The following CTSB variants were observed in gnomAD, a reference collection of about 807,000 sequenced individuals.
CTSB encodes the protein APP secretase.
CTSB carries 57 observed loss-of-function variants against 44.3 expected under a neutral mutation model. That is an observed-to-expected ratio of 1.29 (90% CI 1.04 to 1.60). The LOEUF (loss-of-function observed/expected upper bound fraction) is 1.60. Among genes scored for constraint, CTSB ranks in the 40% most tolerant of loss-of-function variants. CTSB has a pLI of 0.00. For missense variants in CTSB, 768 were observed against 443.0 expected, an observed-to-expected ratio of 1.73 and a Z score of -6.59; for synonymous variants, 320 against 168.0, an observed-to-expected ratio of 1.91 and a Z score of -7.00.
chr8:11,845,930 G>A (rs769149619), intron 8 of CTSB, 141 bp from the exon 9 acceptor site: 3 of 957,370 alleles, frequency 3.1e-6, no homozygotes, highest in Admixed American at 6.9e-5. Flanking sequence ...GAGGCTCCAG[G>A]GGGGGTCCCA....
intron 1 of CTSB, among the ~76,000 whole-genome samples, chr8:11,863,019 A>C (rs1816650069): frequency 6.6e-6 from 1 of 152,164 alleles, no homozygotes; most frequent in Non-Finnish European, 1.5e-5. Flanking sequence ...CATTTAGAAA[A>C]CATCAGTTCT....
At chr8:11,863,591 T>G (rs1414124496) in intron 1 of CTSB, among the ~76,000 whole-genome samples, 12 of 152,226 alleles carry the variant, frequency 7.9e-5, no homozygotes, top group Non-Finnish European at 1.5e-5. Context: ...CATCAGACCT[T>G]GGCGATGACC....
Position 11,843,418 on chromosome 8 carries a change from G to C in CTSB, c.*1707C>G, listed in dbSNP as rs1219059284. 1 of 152,220 alleles carries C rather than the reference G, an allele frequency of 6.6e-6. No individual in the cohort carries two copies. The highest frequency in any genetic ancestry group is 1.5e-5 in the Non-Finnish European group (1 of 68,038). 9.4% of individuals were successfully genotyped at this position (152,220 alleles called of 1,614,324 possible). A position where few individuals can be genotyped will look rare whatever the true frequency, so the allele number is the denominator to read the frequency against. ...AGCCTCATACCACTTCAGTTGGGAA[G>C]GGGAGTACTGAGGTGTACCTTGGCA... On this transcript the variant is annotated 3_prime_UTR_variant, in exon 10 of 10. Coordinates refer to ENST00000353047, the MANE Select transcript of CTSB (RefSeq NM_001908.5).
At position 11,843,415 on chromosome 8, in the gene CTSB, G is replaced by A. The variant is rs922926710; in HGVS notation, c.*1710C>T. On this transcript the variant is annotated 3_prime_UTR_variant, in exon 10 of 10. Transcript: ENST00000353047. ...GCTAGCCTCATACCACTTCAGTTGG[G>A]AAGGGGAGTACTGAGGTGTACCTTG... is the stretch of plus-strand genomic sequence containing the variant. 5.3e-5 allele frequency: 8 copies of A among 152,214 alleles called. No homozygotes were observed. Among genetic ancestry groups the A allele is most frequent in the Non-Finnish European group, 1.0e-4 (7 of 68,050 alleles). 9.4% of individuals were successfully genotyped at this position (152,214 alleles called of 1,614,324 possible).
chr8:11,865,738 G>A (rs1385336498), intron 1 of CTSB, among the ~76,000 whole-genome samples: 2 of 151,186 alleles, frequency 1.3e-5, no homozygotes, highest in Non-Finnish European at 3.0e-5. Flanking sequence ...TCCACCGCGC[G>A]GTGGCTCATG....
At position 11,852,672 on chromosome 8, in the gene CTSB, C is replaced by G. The variant is rs767037060; in HGVS notation, c.150G>C (p.Val50=). ...ATAGCCTCTTCAAGTAGCTCATGTC[C>G]ACGTTGTAGAAGTTGTGCCCGGCCT... is the stretch of plus-strand genomic sequence containing the variant. ...TWQAGHNFYN[V]DMSYLKRLCG... is the part of the protein sequence containing the mutation. Residue 50 remains valine (V), a synonymous_variant, in exon 3 of 10, where the codon GTG becomes GTC. Transcript: ENST00000353047. 3.2e-5 allele frequency: 51 copies of G among 1,613,960 alleles called. No individual in the cohort carries two copies. Among genetic ancestry groups the G allele is most frequent in the Non-Finnish European group, 4.3e-5 (51 of 1,180,040 alleles).
intron 8 of CTSB, 46 bp from the exon 9 acceptor site, chr8:11,845,835 C>T (rs754971757): frequency 1.0e-5 from 16 of 1,563,716 alleles, no homozygotes; most frequent in African/African-American, 1.3e-5. Context: ...GCCACTGTCC[C>T]ACGCCCCACA....
In CTSB at chr8:11,849,134, G is replaced by A. The variant is rs536248833; in HGVS notation, c.358C>T (p.Arg120Trp). 12 of 1,613,030 alleles carry A rather than the reference G, an allele frequency of 7.4e-6. No homozygotes were observed. The highest frequency in any genetic ancestry group is 2.7e-5 in the African/African-American group (2 of 75,034). ...AFGAVEAISDRICIHTNAHVS... is the reference protein window; with the variant it reads ...AFGAVEAISDWICIHTNAHVS... Reference sequence around the variant, plus strand: ...TGCGCATTGGTGTGGATGCAGATCCGGTCAGAGATGGCTTCCACAGCCCCG... The same window carrying A: ...TGCGCATTGGTGTGGATGCAGATCCAGTCAGAGATGGCTTCCACAGCCCCG... The change falls in exon 5 of 10, where the codon CGG (arginine) becomes TGG (tryptophan). Residue 120 changes from arginine (R) to tryptophan (W), a missense_variant. Coordinates refer to ENST00000353047, the MANE Select transcript of CTSB (RefSeq NM_001908.5).
At chr8:11,864,727 G>GGGCAGATCAT (rs902705483) in intron 1 of CTSB, among the ~76,000 whole-genome samples, 2 of 151,838 alleles carry the variant, frequency 1.3e-5, no homozygotes, top group Non-Finnish European at 2.9e-5. Context: ...GAGGCGAGGC[G>GGGCAGATCAT]GGCAGATCAT....
At chr8:11,851,661 A>G (rs146432679) in intron 3 of CTSB, among the ~76,000 whole-genome samples, 1 of 152,068 alleles carries the variant, frequency 6.6e-6, no homozygotes, top group African/African-American at 2.4e-5. Context: ...CATTTCTCAT[A>G]TCATCCCCAT....
intron 7 of CTSB, 145 bp downstream of exon 7, chr8:11,847,534 C>A: frequency 1.1e-6 from 1 of 883,198 alleles, no homozygotes; most frequent in Non-Finnish European, 1.7e-6. Flanking sequence ...CTTCTCCTGG[C>A]AAGAGGGCAT....
In CTSB at chr8:11,845,665, G is replaced by T. The variant is rs777740733; in HGVS notation, c.918C>A (p.Asp306Glu). The T allele has an allele frequency of 1.2e-6, 2 of 1,612,758 alleles. No homozygotes were observed. Among genetic ancestry groups the T allele is most frequent in the East Asian group, 4.5e-5 (2 of 44,834 alleles). Reference sequence around the variant, plus strand: ...AGGAAGGGGGCAGCCACTCACCATTGTCACCCCAGTCAGTGTTCCAGGAGT... The same window carrying T: ...AGGAAGGGGGCAGCCACTCACCATTTTCACCCCAGTCAGTGTTCCAGGAGT... ...VANSWNTDWG[D>E]NGFFKILRGQ... Residue 306 changes from aspartate to glutamate, a missense_variant, in exon 9 of 10, where the codon GAC becomes GAA. Transcript: ENST00000353047.
At position 11,849,202 on chromosome 8, in the gene CTSB, C is replaced by T; in HGVS notation, c.328-38G>A. The T allele has an allele frequency of 2.6e-6, 4 of 1,562,606 alleles. No homozygotes were observed. In the South Asian group the frequency reaches 3.4e-5, roughly 13 times the overall value. On this transcript the variant is annotated intron_variant, in intron 4 of 9. Coordinates refer to ENST00000353047, the MANE Select transcript of CTSB (RefSeq NM_001908.5). Reference sequence around the variant, plus strand: ...GCCCCACCGGGTGAGGCTGCCATGTCCGGGCTGGGCCCTCTGCAGCAGTCC... The same window carrying T: ...GCCCCACCGGGTGAGGCTGCCATGTTCGGGCTGGGCCCTCTGCAGCAGTCC...
rs1812763450 is a variant in CTSB, at chr8:11,844,058, C to T, written c.*1067G>A. The T allele has an allele frequency of 1.3e-5, 2 of 152,078 alleles. No homozygotes were observed. The highest frequency in any genetic ancestry group is 2.1e-4 in the South Asian group (1 of 4,820). The allele number at this position is 152,078 out of a possible 1,614,324, so 9.4% of individuals were successfully genotyped here. ...TCACAACAACAACAAAAAAATAGAG[C>T]ACAGCTATGTTTTGAGTTCTTAAGC... On this transcript the variant is annotated 3_prime_UTR_variant, in exon 10 of 10. Transcript: ENST00000353047.
chr8:11,865,060 T>TG (rs1466271702), intron 1 of CTSB, among the ~76,000 whole-genome samples: 1 of 152,200 alleles, frequency 6.6e-6, no homozygotes, highest in African/African-American at 2.4e-5. Context: ...TCAGGCAGCC[T>TG]GGGACCAGAC....
In CTSB at chr8:11,844,937, C is replaced by G. The variant is rs770368082; in HGVS notation, c.*188G>C. On this transcript the variant is annotated 3_prime_UTR_variant, in exon 10 of 10. Coordinates refer to ENST00000353047, the MANE Select transcript of CTSB (RefSeq NM_001908.5). ...TGCTGGCAGCGGTGGCTCACATGGCCTGTCTGCACTGTAACCACAGGCTGG... is the reference window on the plus strand; with the variant it reads ...TGCTGGCAGCGGTGGCTCACATGGCGTGTCTGCACTGTAACCACAGGCTGG... 3.4e-6 allele frequency: 2 copies of G among 591,374 alleles called. No individual in the cohort carries two copies. The highest frequency in any genetic ancestry group is 3.7e-5 in the African/African-American group (2 of 53,918). The allele number at this position is 591,374 out of a possible 1,614,324, so 36.6% of individuals were successfully genotyped here. A position where few individuals can be genotyped will look rare whatever the true frequency, so the allele number is the denominator to read the frequency against.
At chr8:11,852,756 G>A in intron 2 of CTSB, 61 bp from the exon 3 acceptor site, 5 of 1,483,942 alleles carry the variant, frequency 3.4e-6, no homozygotes, top group South Asian at 1.1e-5. Flanking sequence ...TGGGCACGCT[G>A]CCCACACACG....
chr8:11,845,665 G>C lies in CTSB; in HGVS notation c.918C>G (p.Asp306Glu). 1 of 1,612,758 alleles carries C rather than the reference G, an allele frequency of 6.2e-7. No homozygotes were observed. The highest frequency in any genetic ancestry group is 8.5e-7 in the Non-Finnish European group (1 of 1,178,928). The change falls in exon 9 of 10, where the codon GAC becomes GAG. Residue 306 changes from aspartate to glutamate, a missense_variant. Asp to Glu is a conservative substitution (Grantham distance 45). Transcript: ENST00000353047. Reference sequence around the variant, plus strand: ...AGGAAGGGGGCAGCCACTCACCATTGTCACCCCAGTCAGTGTTCCAGGAGT... The same window carrying C: ...AGGAAGGGGGCAGCCACTCACCATTCTCACCCCAGTCAGTGTTCCAGGAGT... Reference protein sequence around the residue: ...VANSWNTDWGDNGFFKILRGQ... With the variant: ...VANSWNTDWGENGFFKILRGQ...
intron 1 of CTSB, among the ~76,000 whole-genome samples, chr8:11,866,818 C>G (rs900580192): frequency 7.2e-5 from 11 of 152,234 alleles, no homozygotes; most frequent in Non-Finnish European, 1.5e-4. Context: ...CGAGATCGCG[C>G]CACTGTGCTC....
Sources: allele counts gnomAD v4.1 joint callset (sites outside exome capture counted in the v4.1 genomes callset), GRCh38; gene constraint gnomAD v4.1.1; transcripts MANE v1.5; gene names NCBI Gene and HGNC (gene_info 2026-07-23, HGNC 2026-07-21).